Variants in BBX observed in about 807,000 individuals in gnomAD.
BBX encodes BBX high mobility group box domain containing.
Under a neutral mutation model 100.2 loss-of-function variants are expected in BBX, and 30 were observed. That is an observed-to-expected ratio of 0.30 (90% CI 0.22 to 0.41). The LOEUF (loss-of-function observed/expected upper bound fraction) is 0.41. Ranked by LOEUF, BBX falls within the 10% of genes least tolerant of loss-of-function variation. The pLI is 1.00. For missense variants in BBX, 1,023 were observed against 1,129.8 expected, an observed-to-expected ratio of 0.91 and a Z score of 1.35; for synonymous variants, 376 against 388.1, an observed-to-expected ratio of 0.97 and a Z score of 0.37.
chr3:107,747,880 C>G, intron 8 of BBX, 85 bp from the exon 9 acceptor site: 1 of 1,128,488 alleles, frequency 8.9e-7, no homozygotes, highest in Non-Finnish European at 1.3e-6. Context: ...TTATCAGTGT[C>G]TACAGTTGAA....
At position 107,810,056 on chromosome 3, in the gene BBX, A is replaced by C. The variant is rs1434308765; in HGVS notation, c.*4599A>C. Reference sequence around the variant, plus strand: ...AGTTTATTATACTCTATATTAAACAACTTTGTTCATTTCACTGAGGACCTT... The same window carrying C: ...AGTTTATTATACTCTATATTAAACACCTTTGTTCATTTCACTGAGGACCTT... On this transcript the variant is annotated 3_prime_UTR_variant, in exon 18 of 18. Coordinates refer to ENST00000325805, the MANE Select transcript of BBX (RefSeq NM_001142568.3). The C allele has an allele frequency of 6.6e-6, 1 of 152,194 alleles. No homozygotes were observed. The highest frequency in any genetic ancestry group is 1.9e-4 in the East Asian group (1 of 5,192). The allele number at this position is 152,194 out of a possible 1,614,324, so 9.4% of individuals were successfully genotyped here. A position where few individuals can be genotyped will look rare whatever the true frequency, so the allele number is the denominator to read the frequency against.
chr3:107,768,643 A>G (rs2066594801), intron 10 of BBX, among the ~76,000 whole-genome samples: 1 of 152,152 alleles, frequency 6.6e-6, no homozygotes, highest in Non-Finnish European at 1.5e-5. Flanking sequence ...CATAAATTAT[A>G]AAAATACAGA....
At chr3:107,585,520 G>A (rs1256133915) in intron 2 of BBX, among the ~76,000 whole-genome samples, 1 of 152,062 alleles carries the variant, frequency 6.6e-6, no homozygotes, top group Non-Finnish European at 1.5e-5. Flanking sequence ...TCTTTAAATT[G>A]TTCAATTTTC....
At chr3:107,709,733 A>G (rs2061604060) in intron 3 of BBX, among the ~76,000 whole-genome samples, 1 of 152,210 alleles carries the variant, frequency 6.6e-6, no homozygotes, top group Non-Finnish European at 1.5e-5. Flanking sequence ...GTTTTATGCT[A>G]TTTTCACCTG....
intron 2 of BBX, among the ~76,000 whole-genome samples, chr3:107,618,832 G>A (rs1174838970): frequency 1.3e-5 from 2 of 152,000 alleles, no homozygotes; most frequent in African/African-American, 4.8e-5. Flanking sequence ...GTCTGTTTTG[G>A]TTTGTGTTCC....
chr3:107,620,352 A>G (rs1254731673), intron 2 of BBX, among the ~76,000 whole-genome samples: 2 of 152,216 alleles, frequency 1.3e-5, no homozygotes, highest in East Asian at 3.8e-4. Flanking sequence ...TCTTTGTCAG[A>G]TAATCTAACA....
intron 2 of BBX, among the ~76,000 whole-genome samples, chr3:107,581,320 G>C (rs2052262583): frequency 6.6e-6 from 1 of 151,892 alleles, no homozygotes; most frequent in African/African-American, 2.4e-5. Flanking sequence ...CGTTTTCCCT[G>C]TGTCCTAGGA....
In BBX at chr3:107,808,348, T is replaced by C. The variant is rs2071161817; in HGVS notation, c.*2891T>C. ...TTTCTGAAACCATTCTGAATTTAGT[T>C]GAAATTATCAATATTTATGCTTTTA... On this transcript the variant is annotated 3_prime_UTR_variant, in exon 18 of 18. Transcript: ENST00000325805. 1.3e-5 allele frequency: 2 copies of C among 152,204 alleles called. No individual in the cohort carries two copies. Among genetic ancestry groups the C allele is most frequent in the East Asian group, 3.8e-4 (2 of 5,204 alleles). The allele number at this position is 152,204 out of a possible 1,614,324, so 9.4% of individuals were successfully genotyped here. A position where few individuals can be genotyped will look rare whatever the true frequency, so the allele number is the denominator to read the frequency against.
intron 2 of BBX, among the ~76,000 whole-genome samples, chr3:107,597,723 T>C (rs1342066736): frequency 6.6e-6 from 1 of 152,208 alleles, no homozygotes; most frequent in Non-Finnish European, 1.5e-5. Context: ...TCCAATTTTA[T>C]TCTAAACAAA....
intron 3 of BBX, among the ~76,000 whole-genome samples, chr3:107,693,625 G>A (rs1336304394): frequency 6.6e-6 from 1 of 151,810 alleles, no homozygotes; most frequent in Non-Finnish European, 1.5e-5. Flanking sequence ...TTTGAAGTCA[G>A]GTAGTGTGAT....
chr3:107,746,427 C>T (rs1389877838), intron 8 of BBX, among the ~76,000 whole-genome samples: 1 of 152,124 alleles, frequency 6.6e-6, no homozygotes, highest in Admixed American at 6.6e-5. Context: ...CTTCAGAACA[C>T]TTGGTTAGAT....
chr3:107,707,816 A>G (rs2061476335), intron 3 of BBX, among the ~76,000 whole-genome samples: 1 of 152,198 alleles, frequency 6.6e-6, no homozygotes, highest in Non-Finnish European at 1.5e-5. Context: ...TTACATGTAT[A>G]TACACAAAGG....
chr3:107,715,038 C>A (rs1484702093), intron 4 of BBX, among the ~76,000 whole-genome samples: 1 of 152,188 alleles, frequency 6.6e-6, no homozygotes, highest in Non-Finnish European at 1.5e-5. Flanking sequence ...CCCACCTTGG[C>A]CTCCCAAAGT....
At chr3:107,615,016 AG>A (rs1386692018) in intron 2 of BBX, among the ~76,000 whole-genome samples, 2 of 152,186 alleles carry the variant, frequency 1.3e-5, no homozygotes, top group Non-Finnish European at 2.9e-5. Context: ...AGCAGTGAAA[AG>A]TTTTAAGCTA....
At chr3:107,703,513 C>T (rs1285024361) in intron 3 of BBX, among the ~76,000 whole-genome samples, 2 of 152,138 alleles carry the variant, frequency 1.3e-5, no homozygotes, top group East Asian at 3.9e-4. Context: ...GAGTTAAAGG[C>T]AGAGGGACCA....
At chr3:107,791,178 G>A in intron 14 of BBX, 62 bp from the exon 15 acceptor site, 2 of 1,388,134 alleles carry the variant, frequency 1.4e-6, no homozygotes, top group Admixed American at 1.7e-5. Context: ...TGTTTTTGTA[G>A]TATGGGGAAT....
chr3:107,529,671 T>C (rs2048020300), intron 2 of BBX, among the ~76,000 whole-genome samples: 1 of 152,248 alleles, frequency 6.6e-6, no homozygotes. Flanking sequence ...GTCATACCTG[T>C]GGAAAGCACT....
At chr3:107,612,198 G>C (rs1352506810) in intron 2 of BBX, among the ~76,000 whole-genome samples, 1 of 152,052 alleles carries the variant, frequency 6.6e-6, no homozygotes, top group Non-Finnish European at 1.5e-5. Flanking sequence ...ACATAGCTCT[G>C]TGGTCACATG....
intron 2 of BBX, among the ~76,000 whole-genome samples, chr3:107,559,479 T>C (rs974044554): frequency 1.3e-5 from 2 of 152,184 alleles, no homozygotes; most frequent in Admixed American, 6.5e-5. Flanking sequence ...TTTACAGATA[T>C]AATAGATACA....
Sources: allele counts gnomAD v4.1 joint callset (sites outside exome capture counted in the v4.1 genomes callset), GRCh38; gene constraint gnomAD v4.1.1; transcripts MANE v1.5; gene names NCBI Gene and HGNC (gene_info 2026-07-23, HGNC 2026-07-21).